MGRN1: variants seen among roughly 807,000 people sequenced by gnomAD.
The protein encoded by MGRN1 is E3 ubiquitin-protein ligase MGRN1.
In MGRN1, 29 loss-of-function variants were observed where a neutral mutation model predicts 69.2. The ratio of observed to expected loss-of-function variants is 0.42; its 90% CI spans 0.31 to 0.57. The LOEUF (loss-of-function observed/expected upper bound fraction) is 0.57, where lower values mean the gene tolerates loss of function less well. Among genes scored for constraint, MGRN1 ranks in the 20% least tolerant of loss-of-function variants. The probability of loss-of-function intolerance (pLI) is 0.15; values close to 1 mark genes in which losing one functional copy is unlikely to be tolerated. For missense variants in MGRN1, 998 were observed against 796.2 expected (o/e 1.25, Z -3.05); for synonymous variants, 470 against 344.2 (o/e 1.37, Z -4.04).
chr16:4,652,404 T>A (rs2078429724), intron 3 of MGRN1, among the ~76,000 whole-genome samples: 1 of 151,980 alleles, frequency 6.6e-6, no homozygotes, highest in African/African-American at 2.4e-5. Context: ...TTTCAGCAGG[T>A]TCAGAAACTG....
intron 5 of MGRN1, among the ~76,000 whole-genome samples, chr16:4,659,562 C>T (rs2078629270): frequency 6.6e-6 from 1 of 152,204 alleles, no homozygotes; most frequent in Non-Finnish European, 1.5e-5. Context: ...CTGTCCCGGA[C>T]TTGGCACTGG....
chr16:4,674,392 G>T (rs2079007755), intron 10 of MGRN1, among the ~76,000 whole-genome samples: 1 of 151,062 alleles, frequency 6.6e-6, no homozygotes, highest in African/African-American at 2.4e-5. Flanking sequence ...GGGTTTAAGT[G>T]ATTCTCCTGC....
At position 4,650,453 on chromosome 16, in the gene MGRN1, T is replaced by C; in HGVS notation, c.177T>C (p.Asp59=). ...PEGYLFGENM[D]LNFLGSRPVQ... is the part of the protein sequence containing the mutation. ...GTTACCTCTTTGGAGAGAACATGGA[T>C]CTGAACTTCCTGGGCAGCCGCCCGG... Residue 59 remains aspartate (D), a synonymous_variant, in exon 2 of 17, where the codon GAT becomes GAC. Coordinates refer to ENST00000262370, the MANE Select transcript of MGRN1 (RefSeq NM_015246.4). 2.5e-6 allele frequency: 4 copies of C among 1,613,760 alleles called. No individual in the cohort carries two copies. Among genetic ancestry groups the C allele is most frequent in the Non-Finnish European group, 3.4e-6 (4 of 1,179,860 alleles).
At chr16:4,686,258 G>A (rs1460639560) in intron 16 of MGRN1, 1 of 1,543,620 alleles carries the variant, frequency 6.5e-7, no homozygotes, top group African/African-American at 1.4e-5. Flanking sequence ...TCTCCGCGCA[G>A]CCCTGGGGCC....
chr16:4,635,896 C>T (rs1176603910), intron 1 of MGRN1, among the ~76,000 whole-genome samples: 1 of 150,942 alleles, frequency 6.6e-6, no homozygotes, highest in Non-Finnish European at 1.5e-5. Context: ...ATCTGCCTGC[C>T]TCAGCCTCCA....
Position 4,627,607 on chromosome 16 carries a change from G to C in MGRN1, c.88+2559G>C. On this transcript the variant is annotated intron_variant, in intron 1 of 16. Coordinates refer to ENST00000262370, the MANE Select transcript of MGRN1 (RefSeq NM_015246.4). ...TGGAGACCATCCTGGCTAACACGGG[G>C]AAACCCCGTCTCTACTAAAAATACA... Among the ~76,000 whole-genome samples the C allele has an allele frequency of 1.3e-5, 2 of 151,712 alleles. 1 individual carries two copies. Among genetic ancestry groups the C allele is most frequent in the Non-Finnish European group, 2.9e-5 (2 of 67,976 alleles).
rs2079430428 is a variant in MGRN1 at position 4,690,441 on chromosome 16, TCC to T, written c.*1534_*1535del. ...GCTCACGGTGGCTCCGAGCATGAGG[TCC>T]GCCTCCTGGGCGAGACCCAGCAGTG... On this transcript the variant is annotated 3_prime_UTR_variant, in exon 17 of 17. Transcript: ENST00000262370. The T allele has an allele frequency of 6.6e-6, 1 of 151,942 alleles. No homozygotes were observed. The highest frequency in any genetic ancestry group is 1.5e-5 in the Non-Finnish European group (1 of 68,012). 9.4% of individuals were successfully genotyped at this position (151,942 alleles called of 1,614,324 possible). A position where few individuals can be genotyped will look rare whatever the true frequency, so the allele number is the denominator to read the frequency against.
At chr16:4,645,385 T>C (rs1027039974) in intron 1 of MGRN1, among the ~76,000 whole-genome samples, 6 of 152,140 alleles carry the variant, frequency 3.9e-5, no homozygotes, top group Admixed American at 1.3e-4. Context: ...CCCAGGCTGG[T>C]CTTGAACTCT....
chr16:4,651,995 C>G lies in MGRN1; in HGVS notation c.240C>G (p.Pro80=). Residue 80 remains proline (P), a synonymous_variant, in exon 3 of 17, where the codon CCC becomes CCG. Transcript: ENST00000262370. The part of the protein sequence containing the change: ...FPYVTPAPHE[P]VKTLRSLVNI... ...ACGTCACTCCTGCCCCCCACGAGCC[C>G]GTGAAGACGCTGCGGAGCCTGGTGA... The G allele has an allele frequency of 6.2e-7, 1 of 1,614,018 alleles. No homozygotes were observed. The highest frequency in any genetic ancestry group is 1.1e-5 in the South Asian group (1 of 91,082).
intron 4 of MGRN1, among the ~76,000 whole-genome samples, chr16:4,655,430 C>T (rs1205026563): frequency 4.6e-5 from 7 of 151,732 alleles, no homozygotes; most frequent in Non-Finnish European, 8.8e-5. Flanking sequence ...CAGGACCTGG[C>T]ACAAGGCCAG....
intron 9 of MGRN1, among the ~76,000 whole-genome samples, chr16:4,671,742 G>A (rs916976802): frequency 2.0e-5 from 3 of 152,116 alleles, no homozygotes; most frequent in Non-Finnish European, 4.4e-5. Flanking sequence ...CAGGTGTGTG[G>A]CACCCTGCTG....
chr16:4,646,422 C>CA (rs530306184), intron 1 of MGRN1, among the ~76,000 whole-genome samples: 6,286 of 140,662 alleles, frequency 0.045, 167 homozygotes, highest in African/African-American at 0.076. Flanking sequence ...GACCCTGTCT[C>CA]AAAAAAAAAA....
intron 1 of MGRN1, among the ~76,000 whole-genome samples, chr16:4,643,048 C>T (rs112730176): frequency 2.0e-5 from 3 of 152,020 alleles, no homozygotes; most frequent in Admixed American, 1.3e-4. Flanking sequence ...CTCTGCCTCC[C>T]AAGTTCAAGC....
At chr16:4,669,673 G>C (rs1479965782) in intron 8 of MGRN1, among the ~76,000 whole-genome samples, 1 of 152,202 alleles carries the variant, frequency 6.6e-6, no homozygotes, top group Non-Finnish European at 1.5e-5. Context: ...AACAAAGTCT[G>C]CAACTCCTTC....
At chr16:4,665,058 G>C in intron 6 of MGRN1, 44 bp from the exon 7 acceptor site, 1 of 1,611,636 alleles carries the variant, frequency 6.2e-7, no homozygotes, top group African/African-American at 1.3e-5. Context: ...GCCTGGGTGG[G>C]GCAGGCCCCG....
chr16:4,640,202 T>G (rs2078127141), intron 1 of MGRN1: 2 of 152,316 alleles, frequency 1.3e-5, no homozygotes, highest in Non-Finnish European at 2.9e-5. Context: ...AGAAGGCTTC[T>G]TGGCTCACTC....
chr16:4,683,594 A>G (rs1420797885), intron 15 of MGRN1, among the ~76,000 whole-genome samples: 1 of 151,404 alleles, frequency 6.6e-6, no homozygotes, highest in East Asian at 1.9e-4. Flanking sequence ...CATCCAGGAC[A>G]CAGTGTAAAA....
chr16:4,686,715 C>A (rs1355425336), intron 16 of MGRN1: 2 of 1,017,944 alleles, frequency 2.0e-6, no homozygotes, highest in African/African-American at 3.4e-5. Flanking sequence ...ATGGGGTGAG[C>A]GTCCCAAGGG....
At chr16:4,660,683 G>A (rs750931258) in intron 5 of MGRN1, among the ~76,000 whole-genome samples, 30 of 152,338 alleles carry the variant, frequency 2.0e-4, no homozygotes, top group Non-Finnish European at 3.7e-4. Context: ...CTGCCGGTGC[G>A]CGAACTCCCC....
Sources: gnomAD v4.1 joint callset for allele counts (sites outside exome capture counted in the v4.1 genomes callset) on GRCh38, gnomAD v4.1.1 for gene constraint, MANE v1.5 for transcripts, NCBI Gene and HGNC (gene_info 2026-07-23, HGNC 2026-07-21) for gene names.